PC: variants seen among roughly 807,000 people sequenced by gnomAD.
PC encodes pyruvate carboxylase, mitochondrial.
In PC, 46 loss-of-function variants were observed where a neutral mutation model predicts 107.8. The ratio of observed to expected loss-of-function variants is 0.43; its 90% confidence interval spans 0.34 to 0.55. The LOEUF (loss-of-function observed/expected upper bound fraction) is 0.55, where lower values mean the gene tolerates loss of function less well. PC is among the 20% of genes least tolerant of loss of function. The pLI is 0.04. For synonymous variants in PC, 662 were observed against 684.7 expected, an observed-to-expected ratio of 0.97 and a Z score of 0.52; for missense variants, 1,241 against 1,643.1, an observed-to-expected ratio of 0.76 and a Z score of 4.23.
chr11:66,931,951 G>A (rs1238681390), intron 3 of PC, among the ~76,000 whole-genome samples: 1 of 151,318 alleles, frequency 6.6e-6, no homozygotes, highest in African/African-American at 2.4e-5. Context: ...CCCGGGAGGC[G>A]GAGCTTGCAG....
At chr11:66,896,119 A>T (rs190594125) in intron 3 of PC, among the ~76,000 whole-genome samples, 2 of 152,160 alleles carry the variant, frequency 1.3e-5, no homozygotes, top group East Asian at 3.9e-4. Flanking sequence ...TGGCTCTGTC[A>T]TCCAGTCTGG....
rs749555267 is a variant in PC at position 66,858,704 on chromosome 11, G to A, written c.1368+5070C>T. 59 of 1,551,558 alleles carry A rather than the reference G, an allele frequency of 3.8e-5. 1 individual carries two copies. The South Asian group carries it at 6.1e-4, about 16-fold the overall frequency. On this transcript the variant is annotated intron_variant, in intron 12 of 22. Coordinates refer to ENST00000393960, the MANE Select transcript of PC (RefSeq NM_001040716.2). The surrounding 1 kb of genome is among the most constrained non-coding windows in gnomAD (Gnocchi z 5.9). ...TGCACTGGGTCGGTCCTGACGACCG[G>A]TTGGTTGGCAACTCCTCCCGAGCCC...
chr11:66,917,724 AG>A (rs1251338347), intron 3 of PC, among the ~76,000 whole-genome samples: 1 of 152,194 alleles, frequency 6.6e-6, no homozygotes, highest in Non-Finnish European at 1.5e-5. Flanking sequence ...ATTACTGATA[AG>A]GGGAAAGGGT....
rs369281952 is a variant in PC, at chr11:66,860,070, G to A, written c.1368+3704C>T. On this transcript the variant is annotated intron_variant, in intron 12 of 22. Coordinates refer to ENST00000393960, the MANE Select transcript of PC (RefSeq NM_001040716.2). ...GGACCTGGGAGATGCCGGGTGCTACGGTTATGCCAGGCGCCTGGGAGGAGC... is the reference window on the plus strand; with the variant it reads ...GGACCTGGGAGATGCCGGGTGCTACAGTTATGCCAGGCGCCTGGGAGGAGC... 6.0e-5 allele frequency: 94 copies of A among 1,560,534 alleles called. No individual in the cohort carries two copies. Among genetic ancestry groups the A allele is most frequent in the African/African-American group, 5.0e-4 (37 of 73,600 alleles).
Position 66,891,808 on chromosome 11 carries a change from T to TGTTA in PC, c.1-19653_1-19650dup, listed in dbSNP as rs550658843. Among the ~76,000 whole-genome samples the TGTTA allele has an allele frequency of 2.0e-4, 30 of 152,364 alleles. No individual in the cohort carries two copies. In the South Asian group the frequency reaches 5.8e-3, roughly 29 times the overall value. On this transcript the variant is annotated intron_variant, in intron 3 of 22. Transcript: ENST00000393960. ...TCTATCTCCCCACATCTTTACCAAC[T>TGTTA]GTTATATTGTTAGACTTTGATTTCT...
At chr11:66,913,859 G>C (rs184384840) in intron 3 of PC, among the ~76,000 whole-genome samples, 4 of 152,200 alleles carry the variant, frequency 2.6e-5, no homozygotes, top group Admixed American at 2.6e-4. Flanking sequence ...CCAGGCACTG[G>C]AGGAGGACCT....
chr11:66,868,214 T>C (rs1057498959), intron 10 of PC, among the ~76,000 whole-genome samples: 2 of 152,180 alleles, frequency 1.3e-5, no homozygotes, highest in African/African-American at 2.4e-5. Context: ...GGCACACAGA[T>C]GATAAGTGAC....
intron 13 of PC, 162 bp downstream of exon 13, chr11:66,853,077 C>A: frequency 1.3e-6 from 1 of 777,702 alleles, no homozygotes. Context: ...CAGTGAATGG[C>A]AGGGTGCAGG....
chr11:66,849,333 G>A lies in PC; in HGVS notation c.3185C>T (p.Ala1062Val). The change falls in exon 22 of 23, where the codon GCC becomes GTC. Residue 1062 changes from alanine (A) to valine (V), a missense_variant. By Grantham distance (64) the Ala-to-Val change is moderately conservative (BLOSUM62 0). Coordinates refer to ENST00000393960, the MANE Select transcript of PC (RefSeq NM_001040716.2). ...CCGGTTCAGGTCGCTCACGGCCAGG[G>A]CTTTGATGTGCAGCGTCTTGCCCCG... ...LERGKTLHIK[A>V]LAVSDLNRAG... 1 of 1,613,448 alleles carries A rather than the reference G, an allele frequency of 6.2e-7. No homozygotes were observed. The highest frequency in any genetic ancestry group is 8.5e-7 in the Non-Finnish European group (1 of 1,180,032).
rs1378761588 is a variant in PC at position 66,858,419 on chromosome 11, C to A, written c.1369-5036G>T. 1 of 1,555,038 alleles carries A rather than the reference C, an allele frequency of 6.4e-7. No homozygotes were observed. The highest frequency in any genetic ancestry group is 8.6e-7 in the Non-Finnish European group (1 of 1,156,284). ...GGCGTGATGCAGAGGCCTCTCCCGCCCCCCTGGTGCTGAGCTTTAGCGGGA... is the reference window on the plus strand; with the variant it reads ...GGCGTGATGCAGAGGCCTCTCCCGCACCCCTGGTGCTGAGCTTTAGCGGGA... On this transcript the variant is annotated intron_variant, in intron 12 of 22. Transcript: ENST00000393960. This position sits in a 1 kb window ranked among gnomAD's most constrained non-coding sequence, Gnocchi z 5.9.
chr11:66,927,972 CAT>C (rs1320120402), intron 3 of PC, among the ~76,000 whole-genome samples: 1 of 152,136 alleles, frequency 6.6e-6, no homozygotes, highest in African/African-American at 2.4e-5. Flanking sequence ...TACAAGCAAA[CAT>C]AACACTATAC....
chr11:66,850,127 G>C lies in PC; in HGVS notation c.2719-11C>G. 1 of 1,613,832 alleles carries C rather than the reference G, an allele frequency of 6.2e-7. No homozygotes were observed. Among genetic ancestry groups the C allele is most frequent in the South Asian group, 1.1e-5 (1 of 91,090 alleles). On this transcript the variant is annotated splice_polypyrimidine_tract_variant and intron_variant, in intron 19 of 22. Transcript: ENST00000393960. ...GGAGGAGGGCGTCACCTGAGGAGAA[G>C]GCCCTGGAGGTTAGGGTGCCAGGCA...
intron 3 of PC, among the ~76,000 whole-genome samples, chr11:66,947,430 A>G (rs1949325564): frequency 6.6e-6 from 1 of 151,890 alleles, no homozygotes; most frequent in Non-Finnish European, 1.5e-5. Flanking sequence ...AAAAATACAA[A>G]AACAAAATTA....
intron 3 of PC, among the ~76,000 whole-genome samples, chr11:66,921,815 C>A (rs1418636061): frequency 6.6e-6 from 1 of 152,180 alleles, no homozygotes; most frequent in African/African-American, 2.4e-5. Flanking sequence ...CTGTTGTATT[C>A]TTTTATATAA....
In PC at chr11:66,860,018, G is replaced by A. The variant is rs766657055; in HGVS notation, c.1368+3756C>T. 1.1e-5 allele frequency: 18 copies of A among 1,587,898 alleles called. No individual in the cohort carries two copies. In the African/African-American group the frequency reaches 1.8e-4, roughly 15 times the overall value. ...AGGCCCACCCGCCGCGGAGCCCCCC[G>A]CCCCGGCCGCAGCGCAGCTGCTCTC... is the stretch of plus-strand genomic sequence containing the variant. On this transcript the variant is annotated intron_variant, in intron 12 of 22. Coordinates refer to ENST00000393960, the MANE Select transcript of PC (RefSeq NM_001040716.2).
In PC at chr11:66,858,230, G is replaced by A. The variant is rs1236148212; in HGVS notation, c.1369-4847C>T. 1 of 1,612,350 alleles carries A rather than the reference G, an allele frequency of 6.2e-7. No individual in the cohort carries two copies. Among genetic ancestry groups the A allele is most frequent in the African/African-American group, 1.3e-5 (1 of 74,934 alleles). On this transcript the variant is annotated intron_variant, in intron 12 of 22. Coordinates refer to ENST00000393960, the MANE Select transcript of PC (RefSeq NM_001040716.2). The surrounding 1 kb of genome is among the most constrained non-coding windows in gnomAD (Gnocchi z 5.9). ...ACAACAACCTCCGGCAGGTGCCCTG[G>A]GCCGGCATCGGCGCCATGCCTGCCC...
intron 12 of PC, chr11:66,859,199 C>T: frequency 2.2e-6 from 3 of 1,341,268 alleles, no homozygotes; most frequent in African/African-American, 1.5e-5. Context: ...GGGCTGACAC[C>T]CCCTCCCCGA....
intron 13 of PC, 158 bp downstream of exon 13, chr11:66,853,081 G>A: frequency 1.2e-6 from 1 of 805,440 alleles, no homozygotes; most frequent in Non-Finnish European, 2.0e-6. Flanking sequence ...GAATGGCAGG[G>A]TGCAGGACAA....
intron 3 of PC, among the ~76,000 whole-genome samples, chr11:66,888,675 G>C (rs927290633): frequency 6.6e-6 from 1 of 152,232 alleles, no homozygotes; most frequent in African/African-American, 2.4e-5. Context: ...AGATGGCAAC[G>C]CACAACTTGT....
Sources: gnomAD v4.1 joint callset for allele counts (sites outside exome capture counted in the v4.1 genomes callset) on GRCh38, gnomAD v4.1.1 for gene constraint, Gnocchi (gnomAD v3.1) non-coding constraint, MANE v1.5 for transcripts, NCBI Gene and HGNC (gene_info 2026-07-23, HGNC 2026-07-21) for gene names.